The following CCDC7 variants were observed in gnomAD, a reference collection of about 807,000 sequenced individuals.
The protein encoded by CCDC7 is coiled-coil domain-containing protein 7.
In CCDC7, 183 loss-of-function variants were observed where a neutral mutation model predicts 196.9. That is an observed-to-expected ratio of 0.93 (90% CI 0.82 to 1.05). The LOEUF (loss-of-function observed/expected upper bound fraction) is 1.05. CCDC7 is among the 50% of genes least tolerant of loss of function. The probability of loss-of-function intolerance (pLI) is 0.00; values close to 1 mark genes in which losing one functional copy is unlikely to be tolerated. For missense variants in CCDC7, 1,540 were observed against 1,482.2 expected, an observed-to-expected ratio of 1.04 and a Z score of -0.64; for synonymous variants, 525 against 484.6, an observed-to-expected ratio of 1.08 and a Z score of -1.10.
upstream of CCDC7, among the ~76,000 whole-genome samples, chr10:32,444,138 TAGTG>T (rs2030473006): frequency 7.2e-6 from 1 of 138,352 alleles, no homozygotes; most frequent in Admixed American, 7.2e-5. Context: ...TGAATAGACA[TAGTG>T]AGAGCAAATA....
chr10:32,739,365 G>A (rs1021084728), intron 28 of CCDC7, among the ~76,000 whole-genome samples: 6 of 151,684 alleles, frequency 4.0e-5, no homozygotes, highest in South Asian at 4.2e-4. Flanking sequence ...CTAATGACAC[G>A]TTTTCAAGCT....
At chr10:32,846,578 C>T (rs868346740) in intron 37 of CCDC7, 119 bp downstream of exon 38, 1 of 576,590 alleles carries the variant, frequency 1.7e-6, no homozygotes, top group Non-Finnish European at 3.1e-6. Flanking sequence ...AGGTAAAATT[C>T]ATCATGAATA....
intron 16 of CCDC7, 101 bp from the exon 18 acceptor site, chr10:32,582,933 C>A: frequency 1.5e-6 from 1 of 671,302 alleles, no homozygotes. Context: ...AGTAATTATA[C>A]TTACTTATTT....
At chr10:32,780,929 T>G (rs1348518224) in intron 29 of CCDC7, among the ~76,000 whole-genome samples, 1 of 152,036 alleles carries the variant, frequency 6.6e-6, no homozygotes, top group Non-Finnish European at 1.5e-5. Flanking sequence ...TTTAGCTAGA[T>G]TGACTAGAGA....
intron 21 of CCDC7, among the ~76,000 whole-genome samples, chr10:32,671,458 T>A (rs1455820703): frequency 6.6e-6 from 1 of 152,142 alleles, no homozygotes; most frequent in Non-Finnish European, 1.5e-5. Flanking sequence ...AATGATAAAA[T>A]TGCCTAATGA....
chr10:32,529,312 G>A (rs1412551487), intron 11 of CCDC7, among the ~76,000 whole-genome samples: 4 of 152,092 alleles, frequency 2.6e-5, no homozygotes, highest in East Asian at 1.9e-4. Flanking sequence ...GAGCCACTGC[G>A]CCCAGCCTAC....
chr10:32,653,876 T>C (rs2069253894), intron 20 of CCDC7, among the ~76,000 whole-genome samples: 2 of 152,218 alleles, frequency 1.3e-5, no homozygotes, highest in Non-Finnish European at 2.9e-5. Flanking sequence ...AACAAAATTT[T>C]GGAACTTTTC....
chr10:32,774,286 T>TC (rs1565464323), intron 28 of CCDC7, among the ~76,000 whole-genome samples: 2 of 150,960 alleles, frequency 1.3e-5, no homozygotes, highest in East Asian at 1.9e-4. Context: ...ATTAGAACCT[T>TC]CCCCTTTTTT....
Position 32,664,335 on chromosome 10 carries a change from C to T in CCDC7, c.2122+174C>T, listed in dbSNP as rs149191696. ...TGGAAAATAAAATCAAGCTATTTAA[C>T]ATGTATATTACCTTGTTATTTTTTT... On this transcript the variant is annotated intron_variant, in intron 21 of 41. Coordinates refer to ENST00000639629, the Ensembl canonical transcript of CCDC7. Among the ~76,000 whole-genome samples the T allele has an allele frequency of 1.9e-3, 291 of 151,974 alleles. 1 individual carries two copies. The highest frequency in any genetic ancestry group is 5.4e-4 in the Non-Finnish European group (37 of 67,902).
chr10:32,489,120 C>T (rs1329405851), intron 8 of CCDC7, among the ~76,000 whole-genome samples: 3 of 152,154 alleles, frequency 2.0e-5, no homozygotes, highest in Non-Finnish European at 4.4e-5. Context: ...GGTGGGTGTG[C>T]TTCTAGTGAC....
rs150677928 is a variant in CCDC7 at position 32,520,096 on chromosome 10, G to A, written c.993+1591G>A. 1.1e-4 allele frequency among the ~76,000 whole-genome samples: 16 copies of A among 152,000 alleles called. No individual in the cohort carries two copies. The East Asian group carries it at 1.5e-3, about 15-fold the overall frequency. On this transcript the variant is annotated intron_variant, in intron 11 of 41. Coordinates refer to ENST00000639629, the Ensembl canonical transcript of CCDC7. ...GTACTCCATCGTGTATGAGTATTAC[G>A]TTTTCTTTTTCCAGTCATACGCTGA...
chr10:32,514,568 A>C (rs2046736218), intron 9 of CCDC7: 2 of 152,206 alleles, frequency 1.3e-5, no homozygotes, highest in Non-Finnish European at 2.9e-5. Flanking sequence ...GAGAAAATAA[A>C]TTCTTGTTGT....
At chr10:32,841,540 A>C (rs995092541) in intron 33 of CCDC7, among the ~76,000 whole-genome samples, 1 of 152,150 alleles carries the variant, frequency 6.6e-6, no homozygotes, top group African/African-American at 2.4e-5. Flanking sequence ...CATATTGCCA[A>C]AAGCAATCTA....
chr10:32,589,815 CTCT>C (rs1293940658), intron 18 of CCDC7, among the ~76,000 whole-genome samples: 5 of 152,000 alleles, frequency 3.3e-5, no homozygotes, highest in Admixed American at 6.6e-5. Context: ...TCCTCTTTGT[CTCT>C]TCTTATAGTT....
At chr10:32,708,911 G>T (rs772294518) in intron 24 of CCDC7, among the ~76,000 whole-genome samples, 7 of 152,196 alleles carry the variant, frequency 4.6e-5, no homozygotes, top group Admixed American at 1.3e-4. Context: ...AAGACAGTGT[G>T]CCAATTCCTC....
intron 18 of CCDC7, among the ~76,000 whole-genome samples, chr10:32,591,011 G>T (rs2059730483): frequency 6.6e-6 from 1 of 151,956 alleles, no homozygotes; most frequent in Non-Finnish European, 1.5e-5. Flanking sequence ...CTTGAATATT[G>T]ATCTCTCTGT....
At chr10:32,530,883 T>G (rs2049535234) in intron 11 of CCDC7, among the ~76,000 whole-genome samples, 1 of 152,194 alleles carries the variant, frequency 6.6e-6, no homozygotes, top group African/African-American at 2.4e-5. Context: ...CAGTATAATG[T>G]TAGCTTGGGT....
intron 33 of CCDC7, among the ~76,000 whole-genome samples, chr10:32,835,681 T>C (rs1359871673): frequency 3.3e-5 from 5 of 152,054 alleles, no homozygotes; most frequent in African/African-American, 1.2e-4. Flanking sequence ...TGGGGCCTTT[T>C]GCAGAGTGGA....
chr10:32,712,969 C>G (rs1202290568), intron 25 of CCDC7, among the ~76,000 whole-genome samples: 1 of 152,088 alleles, frequency 6.6e-6, no homozygotes, highest in Non-Finnish European at 1.5e-5. Flanking sequence ...TTTTTTATCC[C>G]CAGAGTGTTA....
Sources: gnomAD v4.1 joint callset for allele counts (sites outside exome capture counted in the v4.1 genomes callset) on GRCh38, gnomAD v4.1.1 for gene constraint, MANE v1.5 for transcripts, NCBI Gene and HGNC (gene_info 2026-07-23, HGNC 2026-07-21) for gene names.